Variants in TBCE observed in about 807,000 individuals in gnomAD.
TBCE encodes the protein tubulin folding cofactor E.
In TBCE, 53 loss-of-function variants were observed where a neutral mutation model predicts 77.0. That is an observed-to-expected ratio of 0.69 (90% CI 0.55 to 0.87). The LOEUF (loss-of-function observed/expected upper bound fraction) is 0.87, where lower values mean the gene tolerates loss of function less well. Ranked by LOEUF, TBCE falls within the 40% of genes least tolerant of loss-of-function variation. The pLI, the probability that TBCE is intolerant of heterozygous loss-of-function variation, is 0.00. For synonymous variants in TBCE, 235 were observed against 241.3 expected (o/e 0.97, Z 0.24); for missense variants, 624 against 622.4 (o/e 1.00, Z -0.03).
intron 4 of TBCE, chr1:235,415,433 A>G (rs1680055787): frequency 6.6e-6 from 1 of 152,250 alleles, no homozygotes; most frequent in Admixed American, 6.5e-5. Context: ...AAAACCAGTC[A>G]TGGCTGCACA....
chr1:235,431,299 T>C (rs1356995876), intron 7 of TBCE, among the ~76,000 whole-genome samples: 2 of 152,140 alleles, frequency 1.3e-5, no homozygotes, highest in Non-Finnish European at 2.9e-5. Flanking sequence ...TTGGGACTTA[T>C]ATCTGGCAGT....
At chr1:235,442,371 T>C (rs1008851613) in intron 14 of TBCE, among the ~76,000 whole-genome samples, 10 of 152,206 alleles carry the variant, frequency 6.6e-5, no homozygotes, top group African/African-American at 2.2e-4. Flanking sequence ...GGTTTCACCA[T>C]GTTGGCCAGG....
Position 235,380,428 on chromosome 1 carries a change from CTA to C in TBCE, c.100+282_100+283del, listed in dbSNP as rs567523614. 1.9e-3 allele frequency among the ~76,000 whole-genome samples: 292 copies of C among 152,194 alleles called. 1 individual carries two copies. The highest frequency in any genetic ancestry group is 6.6e-3 in the African/African-American group (275 of 41,544). ...AACCTTAAAATATCTTCTGAGGAAA[CTA>C]TAAACAGCTAAAAGTCTTGAAACCT... On this transcript the variant is annotated intron_variant, in intron 2 of 16. Transcript: ENST00000642610.
intron 1 of TBCE, among the ~76,000 whole-genome samples, chr1:235,370,684 TG>T (rs985028767): frequency 1.3e-5 from 2 of 151,924 alleles, no homozygotes; most frequent in African/African-American, 4.8e-5. Flanking sequence ...TGAATGAATT[TG>T]GGGTTTTTGC....
At chr1:235,383,340 C>T (rs1472363941) in intron 2 of TBCE, among the ~76,000 whole-genome samples, 3 of 152,014 alleles carry the variant, frequency 2.0e-5, no homozygotes, top group Non-Finnish European at 4.4e-5. Context: ...TAGTTTTTTC[C>T]AATTCTGTGA....
Position 235,422,829 on chromosome 1 carries a change from C to CA in TBCE, c.460+3276dup, listed in dbSNP as rs913849958. On this transcript the variant is annotated intron_variant, in intron 5 of 16. Transcript: ENST00000642610. ...GGGCGACAAGAGCGAGACTCCGTCT[C>CA]AAAAAAAAGGACAGATGTGGCGGTA... 2.1e-4 allele frequency among the ~76,000 whole-genome samples: 32 copies of CA among 152,044 alleles called. No homozygotes were observed. In the East Asian group the frequency reaches 5.2e-3, roughly 25 times the overall value.
At chr1:235,448,601 G>GAGTATGTGTAGCATGCTTT in intron 16 of TBCE, 69 bp from the exon 17 acceptor site, 1 of 1,426,472 alleles carries the variant, frequency 7.0e-7, no homozygotes, top group Non-Finnish European at 9.9e-7. Flanking sequence ...GGTGGGGGAA[G>GAGTATGTGTAGCATGCTTT]AGTATGTGTA....
chr1:235,415,015 T>C, intron 4 of TBCE: 1 of 291,404 alleles, frequency 3.4e-6, no homozygotes. Flanking sequence ...CTGTTAATAG[T>C]AGGGAGTAGT....
intron 2 of TBCE, among the ~76,000 whole-genome samples, chr1:235,396,099 G>T (rs564378659): frequency 2.6e-5 from 4 of 151,340 alleles, no homozygotes; most frequent in South Asian, 2.1e-4. Flanking sequence ...TCGCTTTGCC[G>T]CCCAGGCTGG....
intron 15 of TBCE, among the ~76,000 whole-genome samples, chr1:235,447,413 C>T (rs981759972): frequency 6.6e-6 from 1 of 152,170 alleles, no homozygotes; most frequent in African/African-American, 2.4e-5. Context: ...TTACCACAAC[C>T]CGTCTTTGGA....
chr1:235,430,272 C>T (rs907384274), intron 6 of TBCE: 25 of 159,060 alleles, frequency 1.6e-4, no homozygotes, highest in Non-Finnish European at 2.6e-4. Flanking sequence ...TTCATCCATC[C>T]TCATAGCCAA....
In TBCE at chr1:235,442,850, A is replaced by C. The variant is rs950395312; in HGVS notation, c.1340-2A>C. The C allele has an allele frequency of 6.2e-7, 1 of 1,613,938 alleles. No homozygotes were observed. Among genetic ancestry groups the C allele is most frequent in the Non-Finnish European group, 8.5e-7 (1 of 1,179,866 alleles). ...TAGTCTTTTTCTTTGTTTCTCTTAA[A>C]GCACTGAAGATAAAATACCCTCATC... On this transcript the variant is annotated splice_acceptor_variant, in intron 14 of 16. Transcript: ENST00000642610. LOFTEE classifies it high-confidence loss of function.
In TBCE at chr1:235,450,127, A is replaced by C; in HGVS notation, c.*1365A>C. 4.5e-6 allele frequency: 7 copies of C among 1,547,334 alleles called. No individual in the cohort carries two copies. The highest frequency in any genetic ancestry group is 1.7e-5 in the Admixed American group (1 of 59,682). ...TGAAAGACCATACAGTCTACTGCTA[A>C]ACCCTGGGACTCCTCAGACTTGCAC... On this transcript the variant is annotated 3_prime_UTR_variant, in exon 17 of 17. Transcript: ENST00000642610.
chr1:235,448,220 CAAA>C (rs59405398), intron 15 of TBCE, 126 bp from the exon 16 acceptor site: 3,206 of 519,134 alleles, frequency 6.2e-3, no homozygotes, highest in East Asian at 8.6e-3. Flanking sequence ...AAGTCAGTCT[CAAA>C]AAAAAAAAAA....
chr1:235,411,231 T>C (rs996642832), intron 3 of TBCE, among the ~76,000 whole-genome samples: 2 of 152,238 alleles, frequency 1.3e-5, no homozygotes, highest in African/African-American at 4.8e-5. Flanking sequence ...TTGTCTTCCA[T>C]AGGTCTGTGG....
At chr1:235,414,378 A>T (rs1283455027) in intron 3 of TBCE, 55 bp from the exon 4 acceptor site, 5 of 1,577,972 alleles carry the variant, frequency 3.2e-6, no homozygotes, top group Non-Finnish European at 3.5e-6. Context: ...AATTGTATTT[A>T]TGGCCTTTCT....
chr1:235,407,319 TGA>T (rs1679503660), intron 3 of TBCE, among the ~76,000 whole-genome samples: 1 of 151,108 alleles, frequency 6.6e-6, no homozygotes, highest in African/African-American at 2.4e-5. Flanking sequence ...CTCCTGGGCT[TGA>T]GTGATCCTCT....
chr1:235,424,399 A>G (rs894257172), intron 5 of TBCE, among the ~76,000 whole-genome samples: 2 of 87,348 alleles, frequency 2.3e-5, no homozygotes, highest in African/African-American at 1.5e-4. Flanking sequence ...ATCTTGGCTC[A>G]CCGCAACCTT....
At chr1:235,383,937 GAT>G (rs1677836407) in intron 2 of TBCE, among the ~76,000 whole-genome samples, 1 of 152,142 alleles carries the variant, frequency 6.6e-6, no homozygotes. Context: ...CATTCAGTAT[GAT>G]ATTGGCTGTG....
Sources: gnomAD v4.1 joint callset for allele counts (sites outside exome capture counted in the v4.1 genomes callset) on GRCh38, gnomAD v4.1.1 for gene constraint, MANE v1.5 for transcripts, NCBI Gene and HGNC (gene_info 2026-07-23, HGNC 2026-07-21) for gene names.